The following WDR4 variants were observed in gnomAD, a reference collection of about 807,000 sequenced individuals.
WDR4 encodes the protein WDR4 tRNA N7-guanosine methyltransferase non-catalytic subunit, also known as tRNA (guanine-N(7)-)-methyltransferase non-catalytic subunit WDR4.
Under a neutral mutation model 48.6 loss-of-function variants are expected in WDR4, and 47 were observed. The ratio of observed to expected loss-of-function variants is 0.97; its 90% confidence interval spans 0.77 to 1.23. WDR4 has a LOEUF of 1.23. Ranked by LOEUF, WDR4 falls within the 50% of genes most tolerant of loss-of-function variation. The probability of loss-of-function intolerance (pLI) is 0.00; values close to 1 mark genes in which losing one functional copy is unlikely to be tolerated. For missense variants in WDR4, 606 were observed against 551.6 expected (o/e 1.10, Z -0.99); for synonymous variants, 268 against 230.0 (o/e 1.17, Z -1.49).
At chr21:42,850,776 A>G (rs1242118782) in intron 10 of WDR4, among the ~76,000 whole-genome samples, 1 of 152,200 alleles carries the variant, frequency 6.6e-6, no homozygotes, top group Non-Finnish European at 1.5e-5. Context: ...GCCTTAAGGC[A>G]TCGAGTGTGG....
intron 3 of WDR4, among the ~76,000 whole-genome samples, chr21:42,872,610 CAA>C (rs536689165): frequency 1.0e-3 from 80 of 78,496 alleles, no homozygotes; most frequent in Middle Eastern, 9.4e-3. Context: ...GACCCTTCTC[CAA>C]AAAAAAAAAA....
At chr21:42,878,697 A>C (rs2058557548) in intron 1 of WDR4, among the ~76,000 whole-genome samples, 1 of 152,180 alleles carries the variant, frequency 6.6e-6, no homozygotes, top group Non-Finnish European at 1.5e-5. Context: ...ACAAACATTT[A>C]CTAAGTTAAA....
intron 4 of WDR4, among the ~76,000 whole-genome samples, chr21:42,863,189 C>A: frequency 6.6e-6 from 1 of 152,208 alleles, no homozygotes; most frequent in East Asian, 1.9e-4. Flanking sequence ...GCTCCCAAAT[C>A]TGCAGAGGGC....
In WDR4 at chr21:42,853,676, G is replaced by A; in HGVS notation, c.868C>T (p.His290Tyr). The A allele has an allele frequency of 6.3e-7, 1 of 1,587,706 alleles. No individual in the cohort carries two copies. The highest frequency in any genetic ancestry group is 8.6e-7 in the Non-Finnish European group (1 of 1,167,974). The change falls in exon 9 of 11, where the codon CAC becomes TAC. Residue 290 changes from histidine to tyrosine, a missense_variant. Transcript: ENST00000398208. ...LVYRQQLAFQ[H>Y]QVWDVAFEET... is the part of the protein sequence containing the mutation. ...TCGAAAGCCACGTCCCACACTTGGTGCTGGAACGCCAGCTGCTGCCTGTAC... is the reference window on the plus strand; with the variant it reads ...TCGAAAGCCACGTCCCACACTTGGTACTGGAACGCCAGCTGCTGCCTGTAC...
chr21:42,860,078 C>T (rs1207470078), intron 5 of WDR4, among the ~76,000 whole-genome samples: 1 of 152,156 alleles, frequency 6.6e-6, no homozygotes, highest in Admixed American at 6.5e-5. Context: ...TCTACAGGCC[C>T]CCCAGCACCC....
chr21:42,860,610 G>A lies in WDR4; in HGVS notation c.567-888C>T, dbSNP rs575541079. Among the ~76,000 whole-genome samples, 6 of 152,362 alleles carry A rather than the reference G, an allele frequency of 3.9e-5. No individual in the cohort carries two copies. The East Asian group carries it at 7.7e-4, about 20-fold the overall frequency. ...AGCCGGGCCCGGTCCCGCAGCCACC[G>A]CCCTGCACGGCACCACAGCACCAAC... On this transcript the variant is annotated intron_variant, in intron 5 of 10. Transcript: ENST00000398208.
chr21:42,882,191 G>A (rs527867362), upstream of WDR4, among the ~76,000 whole-genome samples: 13 of 146,974 alleles, frequency 8.8e-5, no homozygotes, highest in South Asian at 4.6e-4. Flanking sequence ...CACTGCACCC[G>A]GCCCAACTAT....
chr21:42,867,252 G>A (rs369225172), intron 3 of WDR4, among the ~76,000 whole-genome samples: 10 of 152,092 alleles, frequency 6.6e-5, no homozygotes, highest in Admixed American at 1.3e-4. Context: ...TTAGTCAGGC[G>A]TGGTGGCTCA....
the WDR4 span, among the ~76,000 whole-genome samples, chr21:42,885,753 A>G: frequency 6.6e-6 from 1 of 151,956 alleles, no homozygotes; most frequent in Admixed American, 6.6e-5. Context: ...GGAGTACAGT[A>G]ATACAATCAC....
At chr21:42,843,406 C>CTT (rs532319764) in intron 11 of WDR4, 1 of 72,238 alleles carries the variant, frequency 1.4e-5, no homozygotes. Flanking sequence ...CACTGGTGTG[C>CTT]TTTTTTTTTT....
In WDR4 at chr21:42,849,887, G is replaced by C; in HGVS notation, c.*162C>G. ...GCACCCAGCAAGAGCCTGTGCTGGT[G>C]ACACAGAATGTTCTTTCTAGAGCCC... On this transcript the variant is annotated 3_prime_UTR_variant, in exon 11 of 11. Transcript: ENST00000398208. The C allele has an allele frequency of 4.7e-6, 4 of 843,510 alleles. No homozygotes were observed. The allele number at this position is 843,510 out of a possible 1,614,324, so 52.3% of individuals were successfully genotyped here.
intron 2 of WDR4, 53 bp downstream of exon 2, chr21:42,876,649 T>A (rs1380884386): frequency 6.5e-7 from 1 of 1,545,316 alleles, no homozygotes; most frequent in African/African-American, 1.4e-5. Context: ...GACCCTCTGG[T>A]CCCATTATCG....
intron 8 of WDR4, 151 bp from the exon 9 acceptor site, chr21:42,853,903 C>T (rs888213600): frequency 1.2e-5 from 10 of 855,826 alleles, no homozygotes; most frequent in Non-Finnish European, 1.6e-5. Context: ...CAAATGCCGG[C>T]GCCGGGGAAA....
In WDR4 at chr21:42,849,735, G is replaced by T; in HGVS notation, c.*314C>A. On this transcript the variant is annotated 3_prime_UTR_variant, in exon 11 of 11. Transcript: ENST00000398208. ...GCAGCGGACACGAAGGGCGGTATGAGAACAGGAGAAACACAGACAGCTGCC... is the reference window on the plus strand; with the variant it reads ...GCAGCGGACACGAAGGGCGGTATGATAACAGGAGAAACACAGACAGCTGCC... The T allele has an allele frequency of 3.4e-6, 1 of 298,306 alleles. No homozygotes were observed. Among genetic ancestry groups the T allele is most frequent in the Non-Finnish European group, 6.2e-6 (1 of 160,494 alleles). 18.5% of individuals were successfully genotyped at this position (298,306 alleles called of 1,614,324 possible).
chr21:42,865,444 C>T (rs191873071), intron 3 of WDR4, among the ~76,000 whole-genome samples: 65 of 152,216 alleles, frequency 4.3e-4, no homozygotes, highest in Middle Eastern at 3.4e-3. Context: ...GGCGCTCATC[C>T]CCCCAGCCTG....
Position 42,854,517 on chromosome 21 carries a change from C to A in WDR4, c.791+45G>T, listed in dbSNP as rs779137633. On this transcript the variant is annotated intron_variant, in intron 8 of 10. Transcript: ENST00000398208. ...GCCAACCCGCTAACTCTTCCCCCTGCAGGTCTGCAGAACCGGAGGCCATAG... is the reference window on the plus strand; with the variant it reads ...GCCAACCCGCTAACTCTTCCCCCTGAAGGTCTGCAGAACCGGAGGCCATAG... 118 of 1,590,590 alleles carry A rather than the reference C, an allele frequency of 7.4e-5. 1 individual carries two copies. The highest frequency in any genetic ancestry group is 6.8e-6 in the Non-Finnish European group (8 of 1,169,388).
chr21:42,876,679 G>C (rs758567033), intron 2 of WDR4, 23 bp downstream of exon 2: 1 of 1,610,124 alleles, frequency 6.2e-7, no homozygotes, highest in African/African-American at 1.3e-5. Context: ...AGCAGGCCCT[G>C]AAAAAGCTTC....
intron 6 of WDR4, among the ~76,000 whole-genome samples, chr21:42,857,946 C>T (rs552883056): frequency 6.6e-6 from 1 of 152,092 alleles, no homozygotes; most frequent in African/African-American, 2.4e-5. Context: ...AAAAAATTAG[C>T]GGGGCATGGT....
intron 7 of WDR4, among the ~76,000 whole-genome samples, chr21:42,855,328 A>T (rs1468940800): frequency 6.6e-6 from 1 of 152,108 alleles, no homozygotes; most frequent in Non-Finnish European, 1.5e-5. Flanking sequence ...GGGTGTCATG[A>T]GATTGCTCCA....
Sources: gnomAD v4.1 joint callset for allele counts (sites outside exome capture counted in the v4.1 genomes callset) on GRCh38, gnomAD v4.1.1 for gene constraint, MANE v1.5 for transcripts, NCBI Gene and HGNC (gene_info 2026-07-23, HGNC 2026-07-21) for gene names.